ERICH3: variants seen among roughly 807,000 people sequenced by gnomAD.
ERICH3 encodes glutamate rich 3.
A neutral mutation model predicts 131.1 loss-of-function variants in ERICH3; 126 were observed. The ratio of observed to expected loss-of-function variants is 0.96; its 90% CI spans 0.83 to 1.11. The LOEUF is 1.11. ERICH3 is among the 50% of genes most tolerant of loss of function. The pLI is 0.00. For synonymous variants in ERICH3, 695 were observed against 644.6 expected (o/e 1.08, Z -1.18); for missense variants, 2,050 against 1,810.7 (o/e 1.13, Z -2.40).
chr1:74,589,592 A>G (rs1432083568), intron 12 of ERICH3, 39 bp downstream of exon 12: 1 of 1,578,698 alleles, frequency 6.3e-7, no homozygotes, highest in Non-Finnish European at 8.7e-7. Flanking sequence ...GCTTCCATGC[A>G]TGAGGATGAT....
intron 12 of ERICH3, among the ~76,000 whole-genome samples, chr1:74,585,335 T>A (rs923504192): frequency 2.0e-5 from 3 of 152,228 alleles, no homozygotes; most frequent in Non-Finnish European, 4.4e-5. Flanking sequence ...TTTATCTGCT[T>A]CACTGTGTAC....
intron 10 of ERICH3, among the ~76,000 whole-genome samples, chr1:74,606,144 G>C (rs140290996): frequency 5.0e-4 from 76 of 151,614 alleles, no homozygotes; most frequent in African/African-American, 1.7e-3. Flanking sequence ...AGACAGATAG[G>C]TTCCACAACC....
intron 10 of ERICH3, among the ~76,000 whole-genome samples, chr1:74,606,125 A>T (rs1042997716): frequency 3.3e-5 from 5 of 151,654 alleles, no homozygotes; most frequent in African/African-American, 1.2e-4. Flanking sequence ...AAAGCAAAAG[A>T]AAAAAAGCAG....
intron 7 of ERICH3, among the ~76,000 whole-genome samples, chr1:74,628,040 G>A (rs1267225385): frequency 6.6e-6 from 1 of 152,120 alleles, no homozygotes; most frequent in Non-Finnish European, 1.5e-5. Context: ...ATTAACTGTA[G>A]TACATACTGT....
At chr1:74,578,809 T>G (rs1647123673) in intron 12 of ERICH3, among the ~76,000 whole-genome samples, 1 of 152,188 alleles carries the variant, frequency 6.6e-6, no homozygotes, top group Non-Finnish European at 1.5e-5. Context: ...TAGTTTAAAG[T>G]GAACTGCTAA....
At position 74,573,414 on chromosome 1, in the gene ERICH3, T is replaced by A; in HGVS notation, c.2296A>T (p.Thr766Ser). ...NKESQQLVQK[T>S]YTLEKKEAME... ...GCTTCTTTCTTCTCCAGTGTATACG[T>A]TTTTTGCACCAATTGCTGGGATTCC... Residue 766 changes from threonine to serine, a missense_variant, in exon 14 of 15, where the codon ACG (threonine) becomes TCG (serine). Physicochemically the swap from Thr to Ser is moderately conservative, Grantham distance 58. Transcript: ENST00000326665. 5 of 1,581,748 alleles carry A rather than the reference T, an allele frequency of 3.2e-6. No individual in the cohort carries two copies. The South Asian group carries it at 4.7e-5, about 15-fold the overall frequency.
At chr1:74,583,751 G>A (rs545609781) in intron 12 of ERICH3, among the ~76,000 whole-genome samples, 32 of 152,030 alleles carry the variant, frequency 2.1e-4, no homozygotes, top group Non-Finnish European at 4.3e-4. Context: ...CTTCATTATC[G>A]GTTCTTTCTT....
chr1:74,620,595 T>C (rs144530653), intron 8 of ERICH3, 139 bp downstream of exon 8: 86 of 667,082 alleles, frequency 1.3e-4, no homozygotes, highest in Admixed American at 1.0e-3. Flanking sequence ...CTAGATTTAC[T>C]TTTAGGCAGC....
intron 6 of ERICH3, 66 bp downstream of exon 6, chr1:74,636,214 A>G (rs570040370): frequency 3.1e-6 from 4 of 1,289,584 alleles, no homozygotes; most frequent in East Asian, 2.6e-5. Flanking sequence ...TACCTTGACC[A>G]CTGTAATAAC....
At chr1:74,626,256 G>A (rs1356893431) in intron 7 of ERICH3, among the ~76,000 whole-genome samples, 1 of 152,212 alleles carries the variant, frequency 6.6e-6, no homozygotes, top group African/African-American at 2.4e-5. Context: ...TAGATTTTGA[G>A]GCCAAATTAC....
In ERICH3 at chr1:74,641,026, T is replaced by A. The variant is rs75251673; in HGVS notation, c.444+305A>T. On this transcript the variant is annotated intron_variant, in intron 5 of 14. Transcript: ENST00000326665. ...TAGGGTCTTAAATGTCACCTGAGAGTCTGAGCTTTTCTGTAGGGAATACAG... is the reference window on the plus strand; with the variant it reads ...TAGGGTCTTAAATGTCACCTGAGAGACTGAGCTTTTCTGTAGGGAATACAG... Among the ~76,000 whole-genome samples, 462 of 152,152 alleles carry A rather than the reference T, an allele frequency of 3.0e-3. 1 individual carries two copies. Among genetic ancestry groups the A allele is most frequent in the African/African-American group, 0.01 (422 of 41,532 alleles).
At chr1:74,587,318 C>T (rs1285089782) in intron 12 of ERICH3, among the ~76,000 whole-genome samples, 7 of 122,256 alleles carry the variant, frequency 5.7e-5, no homozygotes, top group Admixed American at 8.4e-5. Context: ...GAATGAGACT[C>T]CATCTCAAAA....
intron 11 of ERICH3, among the ~76,000 whole-genome samples, chr1:74,590,662 A>G (rs964577550): frequency 7.2e-5 from 11 of 152,158 alleles, no homozygotes; most frequent in Admixed American, 6.5e-4. Flanking sequence ...TACAGATAAA[A>G]CTTCGCTGGC....
intron 2 of ERICH3, among the ~76,000 whole-genome samples, chr1:74,648,374 T>G (rs903072941): frequency 2.0e-5 from 3 of 152,100 alleles, no homozygotes; most frequent in African/African-American, 7.2e-5. Context: ...CATTTTACAA[T>G]TGAGGAAGTT....
chr1:74,597,396 A>G (rs921585232), intron 11 of ERICH3, among the ~76,000 whole-genome samples: 4 of 152,086 alleles, frequency 2.6e-5, no homozygotes, highest in African/African-American at 9.6e-5. Flanking sequence ...AGAGCCCTTT[A>G]AAAGCATAGC....
At chr1:74,661,713 A>G (rs1187679540) in intron 1 of ERICH3, among the ~76,000 whole-genome samples, 1 of 152,204 alleles carries the variant, frequency 6.6e-6, no homozygotes, top group African/African-American at 2.4e-5. Flanking sequence ...CAAAATAAAT[A>G]CACAATAGGT....
intron 2 of ERICH3, among the ~76,000 whole-genome samples, chr1:74,648,799 T>A (rs1034952381): frequency 3.3e-5 from 5 of 152,076 alleles, no homozygotes; most frequent in African/African-American, 1.2e-4. Flanking sequence ...GTTTTTAAAT[T>A]TGGGGGAAAT....
chr1:74,607,005 A>G, intron 9 of ERICH3, 103 bp from the exon 10 acceptor site: 1 of 1,120,382 alleles, frequency 8.9e-7, no homozygotes, highest in East Asian at 2.4e-5. Context: ...GTAAAAAAAG[A>G]CACAAAAATG....
At chr1:74,581,144 T>C (rs1343062183) in intron 12 of ERICH3, among the ~76,000 whole-genome samples, 1 of 152,184 alleles carries the variant, frequency 6.6e-6, no homozygotes, top group Non-Finnish European at 1.5e-5. Context: ...ATTGTTAGGA[T>C]TTGCAGATGT....
Sources: gnomAD v4.1 joint callset for allele counts (sites outside exome capture counted in the v4.1 genomes callset) on GRCh38, gnomAD v4.1.1 for gene constraint, MANE v1.5 for transcripts, NCBI Gene and HGNC (gene_info 2026-07-23, HGNC 2026-07-21) for gene names.